Variants in EDNRA observed in about 807,000 individuals in gnomAD.
The protein encoded by EDNRA is endothelin receptor type A, also known as endothelin-1 receptor.
EDNRA carries 11 observed loss-of-function variants against 41.4 expected under a neutral mutation model. The ratio of observed to expected loss-of-function variants is 0.27; its 90% CI spans 0.17 to 0.44. The LOEUF (loss-of-function observed/expected upper bound fraction) is 0.44, where lower values mean the gene tolerates loss of function less well. Among genes scored for constraint, EDNRA ranks in the 20% least tolerant of loss-of-function variants. EDNRA has a pLI of 1.00. For synonymous variants in EDNRA, 172 were observed against 183.0 expected (o/e 0.94, Z 0.49); for missense variants, 294 against 531.0 (o/e 0.55, Z 4.39).
intron 4 of EDNRA, among the ~76,000 whole-genome samples, chr4:147,534,752 TTTAATGTA>T (rs1250987124): frequency 2.0e-5 from 3 of 152,242 alleles, no homozygotes; most frequent in Non-Finnish European, 4.4e-5. Flanking sequence ...ATAGCTGTGC[TTTAATGTA>T]ATTGGTTTCC....
At chr4:147,533,025 G>GTGTA (rs1223554820) in intron 4 of EDNRA, among the ~76,000 whole-genome samples, 7 of 150,064 alleles carry the variant, frequency 4.7e-5, no homozygotes, top group Admixed American at 4.0e-4. Context: ...GTGTGTGTGT[G>GTGTA]TATATATATA....
Position 147,485,785 on chromosome 4 carries a change from A to G in EDNRA, c.104A>G (p.Asp35Gly). Residue 35 changes from aspartate (D) to glycine (G), a missense_variant, in exon 2 of 8, where the codon GAT (aspartate) becomes GGT (glycine). This residue lies in a region of EDNRA where 90 missense variants were observed against 122.8 expected (regional missense o/e 0.73). Transcript: ENST00000651419. ...RYSTNLSNHVDDFTTFRGTEL... is the reference protein window; with the variant it reads ...RYSTNLSNHVGDFTTFRGTEL... ...AGCACAAATCTAAGCAATCATGTGG[A>G]TGATTTCACCACTTTTCGTGGCACA... 6.2e-7 allele frequency: 1 copy of G among 1,614,248 alleles called. No individual in the cohort carries two copies. Among genetic ancestry groups the G allele is most frequent in the South Asian group, 1.1e-5 (1 of 91,084 alleles).
intron 3 of EDNRA, among the ~76,000 whole-genome samples, chr4:147,528,536 G>A (rs1358516815): frequency 1.3e-5 from 2 of 151,738 alleles, no homozygotes; most frequent in Admixed American, 6.6e-5. Flanking sequence ...TATTTTTGTA[G>A]AGATGGAATT....
chr4:147,533,023 G>T lies in EDNRA; in HGVS notation c.747+319G>T, dbSNP rs997699458. 4.8e-3 allele frequency among the ~76,000 whole-genome samples: 619 copies of T among 129,840 alleles called. 3 individuals carry two copies. Among genetic ancestry groups the T allele is most frequent in the African/African-American group, 0.02 (567 of 27,848 alleles). The allele number at this position is 129,840 out of a possible 152,430, so 85.2% of individuals were successfully genotyped here. A position where few individuals can be genotyped will look rare whatever the true frequency, so the allele number is the denominator to read the frequency against. ...TGTGTGTATGTGTGTGTGTGTGTGT[G>T]TGTATATATATATATACATATGCTA... On this transcript the variant is annotated intron_variant, in intron 4 of 7. Transcript: ENST00000651419.
rs555626601 is a variant in EDNRA at position 147,525,991 on chromosome 4, G to A, written c.548+6013G>A. ...CAGAAAAACCTCTTTGTTAGAGTTGGACTTGGTTTCTCCTTATTTTCCTGG... is the reference window on the plus strand; with the variant it reads ...CAGAAAAACCTCTTTGTTAGAGTTGAACTTGGTTTCTCCTTATTTTCCTGG... On this transcript the variant is annotated intron_variant, in intron 3 of 7. Coordinates refer to ENST00000651419, the MANE Select transcript of EDNRA (RefSeq NM_001957.4). Among the ~76,000 whole-genome samples, 7 of 152,278 alleles carry A rather than the reference G, an allele frequency of 4.6e-5. No individual in the cohort carries two copies. In the South Asian group the frequency reaches 1.5e-3, roughly 32 times the overall value.
chr4:147,509,035 A>G (rs1046341087), intron 2 of EDNRA, among the ~76,000 whole-genome samples: 3 of 152,188 alleles, frequency 2.0e-5, no homozygotes, highest in African/African-American at 7.2e-5. Flanking sequence ...GAGAATTGCC[A>G]TCTTAATAAT....
At chr4:147,483,227 A>C (rs1200673119) in intron 1 of EDNRA, among the ~76,000 whole-genome samples, 1 of 152,240 alleles carries the variant, frequency 6.6e-6, no homozygotes, top group Non-Finnish European at 1.5e-5. Flanking sequence ...GTCTAGTCAG[A>C]GCTGACAAAT....
At chr4:147,520,311 G>A in intron 3 of EDNRA, 2 of 484,736 alleles carry the variant, frequency 4.1e-6, no homozygotes, top group South Asian at 1.6e-5. Flanking sequence ...ATTTCACCTG[G>A]TAAATTTATC....
intron 3 of EDNRA, among the ~76,000 whole-genome samples, chr4:147,524,598 T>C (rs988564182): frequency 6.6e-6 from 1 of 151,922 alleles, no homozygotes; most frequent in African/African-American, 2.4e-5. Context: ...TTGATCTGAG[T>C]TGTAGATCAA....
intron 2 of EDNRA, among the ~76,000 whole-genome samples, chr4:147,507,850 G>GTGTA (rs1729775611): frequency 6.6e-6 from 1 of 152,196 alleles, no homozygotes; most frequent in Admixed American, 6.5e-5. Context: ...CATTCTAATA[G>GTGTA]TGTATAGTGG....
chr4:147,521,512 G>A (rs1463883863), intron 3 of EDNRA, among the ~76,000 whole-genome samples: 1 of 152,112 alleles, frequency 6.6e-6, no homozygotes, highest in Non-Finnish European at 1.5e-5. Flanking sequence ...ACCATAAAAA[G>A]CTGAATAAAC....
At chr4:147,482,680 A>G (rs1728809174) in intron 1 of EDNRA, among the ~76,000 whole-genome samples, 1 of 152,210 alleles carries the variant, frequency 6.6e-6, no homozygotes, top group Non-Finnish European at 1.5e-5. Flanking sequence ...GTCATCAGAA[A>G]TGATTTCTGT....
intron 6 of EDNRA, 78 bp downstream of exon 6, chr4:147,540,028 C>T: frequency 6.6e-7 from 1 of 1,511,514 alleles, no homozygotes; most frequent in East Asian, 2.3e-5. Flanking sequence ...AAACCAGCTA[C>T]TCTACATGCC....
At chr4:147,510,057 T>G (rs193025763) in intron 2 of EDNRA, among the ~76,000 whole-genome samples, 2 of 152,296 alleles carry the variant, frequency 1.3e-5, no homozygotes, top group Admixed American at 6.5e-5. Context: ...GCTATAATTT[T>G]TAAAACCTAA....
chr4:147,533,025 G>A (rs1029824785), intron 4 of EDNRA, among the ~76,000 whole-genome samples: 26 of 150,062 alleles, frequency 1.7e-4, no homozygotes, highest in South Asian at 6.3e-4. Flanking sequence ...GTGTGTGTGT[G>A]TATATATATA....
At chr4:147,520,685 T>C (rs1265906730) in intron 3 of EDNRA, among the ~76,000 whole-genome samples, 1 of 152,238 alleles carries the variant, frequency 6.6e-6, no homozygotes, top group African/African-American at 2.4e-5. Flanking sequence ...TTTACTATAA[T>C]CTCACACAAG....
chr4:147,523,496 TG>T (rs57585118), intron 3 of EDNRA, among the ~76,000 whole-genome samples: 21,954 of 141,698 alleles, frequency 0.15, 3,025 homozygotes, highest in African/African-American at 0.37. Flanking sequence ...TTGTTTTTTT[TG>T]TTTTTTTTTT....
chr4:147,539,133 C>T (rs1316959784), intron 5 of EDNRA, among the ~76,000 whole-genome samples: 1 of 151,834 alleles, frequency 6.6e-6, no homozygotes, highest in Non-Finnish European at 1.5e-5. Context: ...ATCCTTTACC[C>T]TCATCCTTCT....
chr4:147,522,453 G>T (rs137921537), intron 3 of EDNRA, among the ~76,000 whole-genome samples: 1 of 151,884 alleles, frequency 6.6e-6, no homozygotes, highest in South Asian at 2.1e-4. Context: ...CACAAGAATC[G>T]CTTGAACCCG....
Sources: gnomAD v4.1 joint callset for allele counts (sites outside exome capture counted in the v4.1 genomes callset) on GRCh38, gnomAD v4.1.1 for gene constraint, gnomAD v4.1.1 regional missense constraint, MANE v1.5 for transcripts, NCBI Gene and HGNC (gene_info 2026-07-23, HGNC 2026-07-21) for gene names.